The following ZACN variants were observed in gnomAD, a reference collection of about 807,000 sequenced individuals.
The protein encoded by ZACN is zinc activated ion channel.
In ZACN, 52 loss-of-function variants were observed where a neutral mutation model predicts 38.9. The ratio of observed to expected loss-of-function variants is 1.34; its 90% CI spans 1.07 to 1.68. ZACN has a LOEUF of 1.68. Ranked by LOEUF, ZACN falls within the 40% of genes most tolerant of loss-of-function variation. The pLI, the probability that ZACN is intolerant of heterozygous loss-of-function variation, is 0.00. For synonymous variants in ZACN, 235 were observed against 227.4 expected, an observed-to-expected ratio of 1.03 and a Z score of -0.30; for missense variants, 559 against 525.6, an observed-to-expected ratio of 1.06 and a Z score of -0.62.
At position 76,079,243 on chromosome 17, in the gene ZACN, C is replaced by A; in HGVS notation, c.-22C>A. ...GTTGTAGCTTAGGCACCGCTGCTCC[C>A]TCCAGTCCCTCCGTGCAGCCGATGA... On this transcript the variant is annotated 5_prime_UTR_variant, in exon 1 of 9. Coordinates refer to ENST00000334586, the MANE Select transcript of ZACN (RefSeq NM_180990.4). 2 of 1,601,588 alleles carry A rather than the reference C, an allele frequency of 1.2e-6. No homozygotes were observed. Among genetic ancestry groups the A allele is most frequent in the East Asian group, 4.5e-5 (2 of 44,566 alleles).
rs768463312 is a variant in ZACN, at chr17:76,082,587, G to A, written c.1173G>A (p.Trp391Ter). The change falls in exon 9 of 9, where the codon TGG becomes TGA. Residue 391 changes from tryptophan (W) to a stop codon, truncating the protein, a stop_gained. Coordinates refer to ENST00000334586, the MANE Select transcript of ZACN (RefSeq NM_180990.4). LOFTEE classifies it low-confidence loss of function (END_TRUNC). ...TCGTCTTTGCAGGAATCTGGATGTGGGCAGCGTGCAAGTCTGACGCAGCCC... is the reference window on the plus strand; with the variant it reads ...TCGTCTTTGCAGGAATCTGGATGTGAGCAGCGTGCAAGTCTGACGCAGCCC... ...TQFVFAGIWMWAACKSDAAPG... is the reference protein window; with the variant it reads ...TQFVFAGIWM The A allele has an allele frequency of 2.2e-5, 35 of 1,613,504 alleles. No homozygotes were observed. The highest frequency in any genetic ancestry group is 2.8e-5 in the Non-Finnish European group (33 of 1,179,932).
rs1337167897 is a variant in ZACN, at chr17:76,082,662, G to A, written c.*9G>A. The A allele has an allele frequency of 3.8e-6, 6 of 1,599,576 alleles. No individual in the cohort carries two copies. In the African/African-American group the frequency reaches 6.7e-5, roughly 18 times the overall value. ...GGCGGCCTAGACTGTAAAGGGGCAG[G>A]GCCTGGGCTGCACACCTTAGGATGA... is the stretch of plus-strand genomic sequence containing the variant. On this transcript the variant is annotated 3_prime_UTR_variant, in exon 9 of 9. Transcript: ENST00000334586.
chr17:76,080,448 G>C (rs763114983), intron 5 of ZACN, 24 bp downstream of exon 5: 1 of 1,611,518 alleles, frequency 6.2e-7, no homozygotes, highest in African/African-American at 1.3e-5. Flanking sequence ...AGGGGCTGCA[G>C]GGTTGAGGAG....
chr17:76,080,928 A>C (rs750215855), intron 5 of ZACN: 9 of 419,052 alleles, frequency 2.1e-5, no homozygotes, highest in Non-Finnish European at 4.3e-5. Flanking sequence ...CCTTCCCTCC[A>C]TGAGAGACCA....
In ZACN at chr17:76,082,793, C is replaced by A; in HGVS notation, c.*140C>A. ...ACAAGCACAGAGCGTGAAATAAACC[C>A]ATCTCCAGTGCAAGTGTGCCTCAAG... On this transcript the variant is annotated 3_prime_UTR_variant, in exon 9 of 9. Coordinates refer to ENST00000334586, the MANE Select transcript of ZACN (RefSeq NM_180990.4). 2.5e-6 allele frequency: 2 copies of A among 784,420 alleles called. No homozygotes were observed. Among genetic ancestry groups the A allele is most frequent in the Non-Finnish European group, 3.8e-6 (2 of 531,214 alleles). The allele number at this position is 784,420 out of a possible 1,614,324, so 48.6% of individuals were successfully genotyped here. A position where few individuals can be genotyped will look rare whatever the true frequency, so the allele number is the denominator to read the frequency against.
In ZACN at chr17:76,082,393, G is replaced by A. The variant is rs553777311; in HGVS notation, c.1049-70G>A. 1.4e-5 allele frequency: 20 copies of A among 1,452,448 alleles called. No individual in the cohort carries two copies. The African/African-American group carries it at 2.6e-4, about 19-fold the overall frequency. 90.0% of individuals were successfully genotyped at this position (1,452,448 alleles called of 1,614,324 possible). A position where few individuals can be genotyped will look rare whatever the true frequency, so the allele number is the denominator to read the frequency against. Reference sequence around the variant, plus strand: ...AAGCGATACAGGCTGATGACCCCTGGGGTTCGCTCTTCCGCTCATGTTGAG... The same window carrying A: ...AAGCGATACAGGCTGATGACCCCTGAGGTTCGCTCTTCCGCTCATGTTGAG... On this transcript the variant is annotated intron_variant, in intron 8 of 8. Coordinates refer to ENST00000334586, the MANE Select transcript of ZACN (RefSeq NM_180990.4).
chr17:76,081,244 T>C (rs1470552144), intron 5 of ZACN, 34 bp from the exon 6 acceptor site: 7 of 1,611,414 alleles, frequency 4.3e-6, no homozygotes, highest in Non-Finnish European at 5.9e-6. Context: ...GGATCTCTCC[T>C]TCCTGGTTCA....
chr17:76,080,939 CA>C, intron 5 of ZACN: 1 of 406,440 alleles, frequency 2.5e-6, no homozygotes, highest in Non-Finnish European at 4.8e-6. Context: ...TGAGAGACCA[CA>C]GCGGTAGCCC....
At position 76,081,920 on chromosome 17, in the gene ZACN, A is replaced by T. The variant is rs1305422055; in HGVS notation, c.919A>T (p.Ser307Cys). ...CATCCTGCTGCTGCTGCTCTTCCTC[A>T]GCACCATAGAGACTGTGCTGCTGGC... The part of the protein sequence containing the change: ...FTILLLLLFL[S>C]TIETVLLAGL... Residue 307 changes from serine (S) to cysteine (C), a missense_variant, in exon 8 of 9, where the codon AGC (serine) becomes TGC (cysteine). Coordinates refer to ENST00000334586, the MANE Select transcript of ZACN (RefSeq NM_180990.4). The T allele has an allele frequency of 1.5e-5, 24 of 1,612,096 alleles. No homozygotes were observed. The highest frequency in any genetic ancestry group is 2.0e-5 in the Non-Finnish European group (24 of 1,179,046).
intron 6 of ZACN, 54 bp downstream of exon 6, chr17:76,081,456 G>A (rs1164114137): frequency 6.2e-7 from 1 of 1,611,644 alleles, no homozygotes; most frequent in African/African-American, 1.3e-5. Flanking sequence ...GGGTGGGAGT[G>A]AGGATGCACG....
chr17:76,079,823 A>T, intron 3 of ZACN, 65 bp from the exon 4 acceptor site: 1 of 1,601,358 alleles, frequency 6.2e-7, no homozygotes, highest in Non-Finnish European at 8.5e-7. Flanking sequence ...CTTCATCAAC[A>T]TGCTGAGCTT....
Position 76,082,804 on chromosome 17 carries a change from C to A in ZACN, c.*151C>A. 2.8e-6 allele frequency: 2 copies of A among 706,654 alleles called. No homozygotes were observed. Among genetic ancestry groups the A allele is most frequent in the Non-Finnish European group, 4.3e-6 (2 of 467,986 alleles). The allele number at this position is 706,654 out of a possible 1,614,324, so 43.8% of individuals were successfully genotyped here. On this transcript the variant is annotated 3_prime_UTR_variant, in exon 9 of 9. Transcript: ENST00000334586. ...GCGTGAAATAAACCCATCTCCAGTG[C>A]AAGTGTGCCTCAAGGGTCAGTCTTC...
chr17:76,081,256 A>G (rs766973041), intron 5 of ZACN, 22 bp from the exon 6 acceptor site: 16 of 1,612,634 alleles, frequency 9.9e-6, no homozygotes, highest in Non-Finnish European at 1.4e-5. Flanking sequence ...CCTGGTTCAT[A>G]GTTCTCATTC....
chr17:76,080,377 G>C lies in ZACN; in HGVS notation c.497G>C (p.Arg166Pro), dbSNP rs201365116. The C allele has an allele frequency of 1.1e-5, 18 of 1,613,968 alleles. No homozygotes were observed. Among genetic ancestry groups the C allele is most frequent in the Non-Finnish European group, 1.4e-5 (16 of 1,180,022 alleles). ...NCNFELLHFP[R>P]DHSNCSLSFY... ...AACTTTGAGCTCCTCCACTTCCCCC[G>C]GGACCACAGCAACTGCAGCCTCAGC... Residue 166 changes from arginine to proline, a missense_variant, in exon 5 of 9, where the codon CGG (arginine) becomes CCG (proline). Arg to Pro is a moderately radical substitution (Grantham distance 103). Coordinates refer to ENST00000334586, the MANE Select transcript of ZACN (RefSeq NM_180990.4).
chr17:76,081,682 G>C lies in ZACN; in HGVS notation c.807G>C (p.Leu269=). 6.2e-7 allele frequency: 1 copy of C among 1,614,148 alleles called. No homozygotes were observed. The highest frequency in any genetic ancestry group is 8.5e-7 in the Non-Finnish European group (1 of 1,180,024). ...IERIGYKVTL[L]LSYLVLHSSL... The stretch of plus-strand genomic sequence containing the variant: ...GCATAGGCTACAAGGTGACATTGCT[G>C]CTGAGTTACCTCGTCCTCCACTCCT... Residue 269 remains leucine (L), a synonymous_variant, in exon 7 of 9, where the codon CTG becomes CTC. Coordinates refer to ENST00000334586, the MANE Select transcript of ZACN (RefSeq NM_180990.4).
chr17:76,080,508 C>T (rs1261414177), intron 5 of ZACN, 84 bp downstream of exon 5: 2 of 1,560,166 alleles, frequency 1.3e-6, no homozygotes, highest in East Asian at 2.3e-5. Flanking sequence ...GGTGCAGGGG[C>T]AGGGTGCGGG....
At chr17:76,082,407 G>A (rs1048097772) in intron 8 of ZACN, 56 bp from the exon 9 acceptor site, 14 of 1,506,328 alleles carry the variant, frequency 9.3e-6, no homozygotes, top group East Asian at 2.3e-5. Flanking sequence ...TCGCTCTTCC[G>A]CTCATGTTGA....
At position 76,079,273 on chromosome 17, in the gene ZACN, C is replaced by A. The variant is rs755479295; in HGVS notation, c.9C>A (p.Ala3=). 5.6e-6 allele frequency: 9 copies of A among 1,613,086 alleles called. No homozygotes were observed. The highest frequency in any genetic ancestry group is 6.8e-6 in the Non-Finnish European group (8 of 1,179,306). MM[A]LWSLLHLTFL... ...GTCCCTCCGTGCAGCCGATGATGGC[C>A]CTATGGTCCCTGCTCCATCTCACCT... Residue 3 remains alanine (A), a synonymous_variant, in exon 1 of 9, where the codon GCC becomes GCA. Coordinates refer to ENST00000334586, the MANE Select transcript of ZACN (RefSeq NM_180990.4).
chr17:76,079,193 T>C lies in ZACN; in HGVS notation c.-72T>C. The C allele has an allele frequency of 1.4e-6, 2 of 1,441,258 alleles. No individual in the cohort carries two copies. Among genetic ancestry groups the C allele is most frequent in the Non-Finnish European group, 1.9e-6 (2 of 1,070,038 alleles). 89.3% of individuals were successfully genotyped at this position (1,441,258 alleles called of 1,614,324 possible). On this transcript the variant is annotated 5_prime_UTR_variant, in exon 1 of 9. Coordinates refer to ENST00000334586, the MANE Select transcript of ZACN (RefSeq NM_180990.4). ...AGCTGCCTCTGGCTAATTGCTCAGCTGCCAGAGAAGTGACTGGAATAGAGG... is the reference window on the plus strand; with the variant it reads ...AGCTGCCTCTGGCTAATTGCTCAGCCGCCAGAGAAGTGACTGGAATAGAGG...
Sources: gnomAD v4.1 joint callset for allele counts on GRCh38, gnomAD v4.1.1 for gene constraint, MANE v1.5 for transcripts, NCBI Gene and HGNC (gene_info 2026-07-23, HGNC 2026-07-21) for gene names.